THBS2: variants seen among roughly 807,000 people sequenced by gnomAD.
The protein encoded by THBS2 is thrombospondin-2.
THBS2 carries 47 observed loss-of-function variants against 135.2 expected under a neutral mutation model. The ratio of observed to expected loss-of-function variants is 0.35; its 90% CI spans 0.28 to 0.44. The LOEUF (loss-of-function observed/expected upper bound fraction) is 0.44. Among genes scored for constraint, THBS2 ranks in the 20% least tolerant of loss-of-function variants. The pLI is 1.00. For missense variants in THBS2, 1,288 were observed against 1,603.1 expected (o/e 0.80, Z 3.36); for synonymous variants, 639 against 633.8 (o/e 1.01, Z -0.12).
At chr6:169,248,171 G>A (rs1395216053) in intron 3 of THBS2, among the ~76,000 whole-genome samples, 1 of 151,872 alleles carries the variant, frequency 6.6e-6, no homozygotes, top group African/African-American at 2.4e-5. Context: ...GTGAGCATGT[G>A]TGTTTGTGTG....
Position 169,220,229 on chromosome 6 carries a change from G to T in THBS2, c.3480C>A (p.Val1160=). 6.2e-7 allele frequency: 1 copy of T among 1,613,938 alleles called. No homozygotes were observed. Among genetic ancestry groups the T allele is most frequent in the Non-Finnish European group, 8.5e-7 (1 of 1,179,946 alleles). Residue 1160 remains valine (V), a synonymous_variant, in exon 21 of 22, where the codon GTC becomes GTA. Coordinates refer to ENST00000617924, the MANE Select transcript of THBS2 (RefSeq NM_003247.5). ...LGLFVFSQEM[V]YFSDLKYECR... is the part of the protein sequence containing the mutation. ...ATTCGTACTTGAGGTCTGAGAAATA[G>T]ACCATTTCTTGAGAGAAGACAAATA...
chr6:169,226,169 G>A lies in THBS2; in HGVS notation c.2538+11C>T, dbSNP rs375190324. ...GGACCTCCAACCCCGCCTGTCTGCG[G>A]CTGCCCTCACCTGGTCAGGGTTGTG... On this transcript the variant is annotated intron_variant, in intron 16 of 21. Coordinates refer to ENST00000617924, the MANE Select transcript of THBS2 (RefSeq NM_003247.5). 1.0e-5 allele frequency: 16 copies of A among 1,606,910 alleles called. No homozygotes were observed. In the African/African-American group the frequency reaches 1.9e-4, roughly 19 times the overall value.
At position 169,241,270 on chromosome 6, in the gene THBS2, G is replaced by C. The variant is rs9505930; in HGVS notation, c.891+492C>G. The stretch of plus-strand genomic sequence containing the variant: ...GCCCGTCCTGAGCCCCGCAGGCATC[G>C]CTCTCTCTTCCTGGCCGCGCTGTGC... On this transcript the variant is annotated intron_variant, in intron 5 of 21. Coordinates refer to ENST00000617924, the MANE Select transcript of THBS2 (RefSeq NM_003247.5). This position sits in a 1 kb window ranked among gnomAD's most constrained non-coding sequence, Gnocchi z 5.5. Among the ~76,000 whole-genome samples the C allele has an allele frequency of 0.015, 2,250 of 152,172 alleles. 32 individuals are homozygous for C. Among genetic ancestry groups the C allele is most frequent in the East Asian group, 0.075 (388 of 5,160 alleles).
intron 9 of THBS2, among the ~76,000 whole-genome samples, chr6:169,236,356 TCCCCATCCA>T (rs1780070267): frequency 3.4e-5 from 1 of 28,996 alleles, no homozygotes; most frequent in Non-Finnish European, 6.6e-5. Flanking sequence ...CCATCCACAC[TCCCCATCCA>T]CACTCACTCC....
rs1335883464 is a variant in THBS2 at position 169,237,103 on chromosome 6, C to T, written c.1477+67G>A. 9 of 1,525,080 alleles carry T rather than the reference C, an allele frequency of 5.9e-6. 1 individual carries two copies. The South Asian group carries it at 9.8e-5, about 17-fold the overall frequency. The allele number at this position is 1,525,080 out of a possible 1,614,324, so 94.5% of individuals were successfully genotyped here. On this transcript the variant is annotated intron_variant, in intron 9 of 21. Transcript: ENST00000617924. ...CTGACACCCCGGATCCCGGCTCCAGCTGTGGCTGCTCACTGTGAGCTGCCT... is the reference window on the plus strand; with the variant it reads ...CTGACACCCCGGATCCCGGCTCCAGTTGTGGCTGCTCACTGTGAGCTGCCT...
In THBS2 at chr6:169,232,206, G is replaced by A. The variant is rs201366246; in HGVS notation, c.1933-8C>T. 2.5e-6 allele frequency: 4 copies of A among 1,610,446 alleles called. No individual in the cohort carries two copies. The African/African-American group carries it at 5.3e-5, about 22-fold the overall frequency. ...GTTTTCGGGCTCACACACCTACGGGGAGAAGGGCTGCGGGGTTAGCGACAG... is the reference window on the plus strand; with the variant it reads ...GTTTTCGGGCTCACACACCTACGGGAAGAAGGGCTGCGGGGTTAGCGACAG... On this transcript the variant is annotated splice_polypyrimidine_tract_variant and splice_region_variant and intron_variant, in intron 12 of 21. Transcript: ENST00000617924.
At chr6:169,220,630 G>A (rs112788911) in intron 20 of THBS2, among the ~76,000 whole-genome samples, 5 of 152,308 alleles carry the variant, frequency 3.3e-5, no homozygotes, top group African/African-American at 1.2e-4. Flanking sequence ...TTGGTGGGGT[G>A]AGGAGGAAGC....
chr6:169,222,549 C>T (rs981176137), intron 18 of THBS2, 81 bp from the exon 19 acceptor site: 24 of 1,480,374 alleles, frequency 1.6e-5, no homozygotes, highest in Admixed American at 9.1e-5. Context: ...AATCCCAGCA[C>T]TTTGAGAGGC....
chr6:169,244,315 C>T (rs1428364726), intron 4 of THBS2, among the ~76,000 whole-genome samples: 1 of 119,020 alleles, frequency 8.4e-6, no homozygotes, highest in Non-Finnish European at 2.0e-5. Context: ...ATGCTGGTAA[C>T]ACACACACAC....
rs555323100 is a variant in THBS2, at chr6:169,235,041, T to C, written c.1478-134A>G. The C allele has an allele frequency of 2.4e-4, 209 of 859,886 alleles. 2 individuals carry two copies. In the South Asian group the frequency reaches 3.7e-3, roughly 15 times the overall value. 53.3% of individuals were successfully genotyped at this position (859,886 alleles called of 1,614,324 possible). On this transcript the variant is annotated intron_variant, in intron 9 of 21. Coordinates refer to ENST00000617924, the MANE Select transcript of THBS2 (RefSeq NM_003247.5). ...CCCCACAAACTGGTTTCTCCCCAGG[T>C]TGGCTGACTACAGGTCAGAGCGTGA...
chr6:169,250,987 T>C (rs1780731728), intron 1 of THBS2, among the ~76,000 whole-genome samples, 181 bp from the exon 2 acceptor site: 2 of 152,220 alleles, frequency 1.3e-5, no homozygotes, highest in Non-Finnish European at 2.9e-5. Context: ...GCAGGATTCT[T>C]CTAACTATAA....
At chr6:169,218,812 G>A (rs889921129) in intron 21 of THBS2, among the ~76,000 whole-genome samples, 47 of 82,014 alleles carry the variant, frequency 5.7e-4, no homozygotes, top group Non-Finnish European at 9.4e-4. Context: ...ATGGATGAGT[G>A]CATGGGTGGG....
Position 169,241,897 on chromosome 6 carries a change from G to T in THBS2, c.756C>A (p.Thr252=). ...TCTCCGAGCTGGGGCCCACGTACTCGGTGGTGACATGCGGACCCAGGCGCA... is the reference window on the plus strand; with the variant it reads ...TCTCCGAGCTGGGGCCCACGTACTCTGTGGTGACATGCGGACCCAGGCGCA... ...ETLRLGPHVT[T]EYVGPSSERR... is the part of the protein sequence containing the mutation. Residue 252 remains threonine (T), a synonymous_variant, in exon 5 of 22, where the codon ACC becomes ACA. Transcript: ENST00000617924. The surrounding 1 kb of genome is among the most constrained non-coding windows in gnomAD (Gnocchi z 5.5). The T allele has an allele frequency of 6.2e-7, 1 of 1,612,130 alleles. No homozygotes were observed. Among genetic ancestry groups the T allele is most frequent in the Non-Finnish European group, 8.5e-7 (1 of 1,179,940 alleles).
chr6:169,226,067 C>T, intron 16 of THBS2, 113 bp downstream of exon 16: 2 of 1,197,786 alleles, frequency 1.7e-6, no homozygotes, highest in Non-Finnish European at 2.4e-6. Flanking sequence ...CTGCCCTCAT[C>T]TGGTCAGGGT....
At chr6:169,230,734 T>A (rs956597270) in intron 13 of THBS2, among the ~76,000 whole-genome samples, 22 of 152,222 alleles carry the variant, frequency 1.4e-4, no homozygotes, top group Admixed American at 5.9e-4. Context: ...CGGACTCAGC[T>A]GCAGCTGACC....
rs1013427815 is a variant in THBS2, at chr6:169,232,959, C to T, written c.1710G>A (p.Gly570=). The T allele has an allele frequency of 1.9e-6, 3 of 1,561,872 alleles. No individual in the cohort carries two copies. Among genetic ancestry groups the T allele is most frequent in the Non-Finnish European group, 2.6e-6 (3 of 1,154,660 alleles). ...PGAQCSSFPD[G]SWSCGSCPVG... is the part of the protein sequence containing the mutation. ...CAGGGCAGGAGCCGCATGACCAGGA[C>T]CCATCGGGGAAGCTGCTGCACTGGG... The change falls in exon 11 of 22, where the codon GGG becomes GGA. Residue 570 remains glycine (G), a synonymous_variant. Coordinates refer to ENST00000617924, the MANE Select transcript of THBS2 (RefSeq NM_003247.5).
At position 169,223,235 on chromosome 6, in the gene THBS2, C is replaced by T; in HGVS notation, c.3001+13G>A. 6.2e-7 allele frequency: 1 copy of T among 1,607,826 alleles called. No individual in the cohort carries two copies. The highest frequency in any genetic ancestry group is 8.5e-7 in the Non-Finnish European group (1 of 1,175,218). ...AGAAATGCTGGCACCACCGCCGTGT[C>T]TCAGAGACTCACCTACAGCGATGCC... On this transcript the variant is annotated intron_variant, in intron 18 of 21. Transcript: ENST00000617924.
rs1188237769 is a variant in THBS2 at position 169,237,728 on chromosome 6, A to G, written c.1197T>C (p.Ser399=). Residue 399 remains serine (S), a synonymous_variant, in exon 8 of 22, where the codon TCT becomes TCC. Coordinates refer to ENST00000617924, the MANE Select transcript of THBS2 (RefSeq NM_003247.5). Reference sequence around the variant, plus strand: ...AGGACCGGCCTCTCTGCTGGGTCCCAGAGCCACACGTCACGGAGCACTGGG... The same window carrying G: ...AGGACCGGCCTCTCTGCTGGGTCCCGGAGCCACACGTCACGGAGCACTGGG... ...EWTQCSVTCG[S]GTQQRGRSCD... is the part of the protein sequence containing the mutation. 3.7e-6 allele frequency: 6 copies of G among 1,612,656 alleles called. No individual in the cohort carries two copies. In the South Asian group the frequency reaches 6.6e-5, roughly 18 times the overall value.
chr6:169,238,605 CAT>C lies in THBS2; in HGVS notation c.1130-812_1130-811del, dbSNP rs1780189227. Reference sequence around the variant, plus strand: ...TGAATACCTAACAGGCACTTTTACGCATATTGAATTGTTGGTTTTAATTATAA... The same window carrying C: ...TGAATACCTAACAGGCACTTTTACGCATTGAATTGTTGGTTTTAATTATAA... On this transcript the variant is annotated intron_variant, in intron 7 of 21. Transcript: ENST00000617924. 5.3e-5 allele frequency among the ~76,000 whole-genome samples: 8 copies of C among 152,344 alleles called. No individual in the cohort carries two copies. In the South Asian group the frequency reaches 1.4e-3, roughly 28 times the overall value.
Sources: allele counts gnomAD v4.1 joint callset (sites outside exome capture counted in the v4.1 genomes callset), GRCh38; gene constraint gnomAD v4.1.1; non-coding constraint Gnocchi (gnomAD v3.1); transcripts MANE v1.5; gene names NCBI Gene and HGNC (gene_info 2026-07-23, HGNC 2026-07-21).